Variants in CNTN3 observed in about 807,000 individuals in gnomAD.
CNTN3 encodes the protein contactin 3, also known as contactin-3.
CNTN3 carries 60 observed loss-of-function variants against 119.1 expected under a neutral mutation model. The observed-to-expected ratio is 0.50, with a 90% CI of 0.41 to 0.62. The LOEUF (loss-of-function observed/expected upper bound fraction) is 0.62. Among genes scored for constraint, CNTN3 ranks in the 20% least tolerant of loss-of-function variants. CNTN3 has a pLI of 0.00. For missense variants in CNTN3, 1,101 were observed against 1,242.4 expected (o/e 0.89, Z 1.71); for synonymous variants, 450 against 438.7 (o/e 1.03, Z -0.32).
At chr3:74,370,665 A>C (rs1704312620) in intron 6 of CNTN3, among the ~76,000 whole-genome samples, 1 of 152,092 alleles carries the variant, frequency 6.6e-6, no homozygotes, top group African/African-American at 2.4e-5. Flanking sequence ...GTTTTGTGTA[A>C]ATGGGTCAAC....
At chr3:74,417,990 A>T (rs568472635) in intron 5 of CNTN3, among the ~76,000 whole-genome samples, 1 of 152,312 alleles carries the variant, frequency 6.6e-6, no homozygotes, top group Admixed American at 6.5e-5. Context: ...TCTATTGTAC[A>T]GATGCCAATT....
At chr3:74,489,361 T>A (rs1702919188) in intron 3 of CNTN3, among the ~76,000 whole-genome samples, 2 of 152,036 alleles carry the variant, frequency 1.3e-5, no homozygotes, top group African/African-American at 4.8e-5. Flanking sequence ...TTTAGCCTAT[T>A]TCATATTCAA....
At position 74,334,804 on chromosome 3, in the gene CNTN3, A is replaced by C; in HGVS notation, c.1599T>G (p.Phe533Leu). The C allele has an allele frequency of 6.2e-7, 1 of 1,613,658 alleles. No individual in the cohort carries two copies. The highest frequency in any genetic ancestry group is 8.5e-7 in the Non-Finnish European group (1 of 1,179,652). Residue 533 changes from phenylalanine (F) to leucine (L), a missense_variant, in exon 13 of 23, where the codon TTT becomes TTG. By Grantham distance (22) the Phe-to-Leu change is conservative. Transcript: ENST00000263665. ...CAAGGGCCCCATTGAAATACCAGGT[A>C]AAGATGATGTCTAACAGCGGGTCAT... is the stretch of plus-strand genomic sequence containing the variant. Reference protein sequence around the residue: ...VQHDPLLDIIFTWYFNGALAD... With the variant: ...VQHDPLLDIILTWYFNGALAD...
intron 1 of CNTN3, among the ~76,000 whole-genome samples, chr3:74,610,270 C>T (rs554635030): frequency 1.5e-4 from 23 of 152,024 alleles, no homozygotes; most frequent in African/African-American, 5.5e-4. Flanking sequence ...TTCCAGTGAA[C>T]CATGATCGCA....
intron 17 of CNTN3, 25 bp from the exon 18 acceptor site, chr3:74,298,216 C>T: frequency 6.8e-7 from 1 of 1,463,550 alleles, no homozygotes; most frequent in South Asian, 1.4e-5. Flanking sequence ...CATACTGAAT[C>T]ACCCTTACAC....
intron 5 of CNTN3, among the ~76,000 whole-genome samples, chr3:74,420,559 A>G (rs1701601014): frequency 6.6e-6 from 1 of 152,220 alleles, no homozygotes; most frequent in Non-Finnish European, 1.5e-5. Context: ...TGCTAATGTG[A>G]TTTTAAGCAT....
In CNTN3 at chr3:74,614,513, C is replaced by T. The variant is rs1361643683; in HGVS notation, c.-203G>A. On this transcript the variant is annotated 5_prime_UTR_variant, in exon 1 of 23. Transcript: ENST00000263665. ...GGGCCCGGGGGGCCGCCGTGCGCGC[C>T]CGCGTAAGCCGCCGCCGCCGCAGGC... Among the ~76,000 whole-genome samples, 1 of 147,002 alleles carries T rather than the reference C, an allele frequency of 6.8e-6. No homozygotes were observed. The highest frequency in any genetic ancestry group is 1.5e-5 in the Non-Finnish European group (1 of 66,106).
At chr3:74,433,505 A>G (rs983302048) in intron 4 of CNTN3, among the ~76,000 whole-genome samples, 4 of 152,238 alleles carry the variant, frequency 2.6e-5, no homozygotes, top group Middle Eastern at 3.2e-3. Context: ...TAATAAGATC[A>G]TAACAGCCTC....
chr3:74,503,783 T>A (rs1703205565), intron 2 of CNTN3, among the ~76,000 whole-genome samples: 1 of 152,054 alleles, frequency 6.6e-6, no homozygotes, highest in Non-Finnish European at 1.5e-5. Flanking sequence ...GACAGGGGCA[T>A]TTTTTTGACA....
chr3:74,436,693 C>T (rs1222560112), intron 4 of CNTN3, among the ~76,000 whole-genome samples: 3 of 152,078 alleles, frequency 2.0e-5, no homozygotes, highest in Non-Finnish European at 2.9e-5. Flanking sequence ...CCCTTCCTCT[C>T]CCCAAAACCA....
At chr3:74,589,197 G>A (rs186752622) in intron 1 of CNTN3, among the ~76,000 whole-genome samples, 7,496 of 151,010 alleles carry the variant, frequency 0.05, 220 homozygotes, top group African/African-American at 0.082. Flanking sequence ...AAATTTTTGT[G>A]ACCTACTCAT....
intron 19 of CNTN3, among the ~76,000 whole-genome samples, chr3:74,292,444 T>G (rs558817592): frequency 6.6e-6 from 1 of 152,266 alleles, no homozygotes; most frequent in Non-Finnish European, 1.5e-5. Flanking sequence ...CGTGCACCTG[T>G]AATCCCAGCT....
intron 1 of CNTN3, among the ~76,000 whole-genome samples, chr3:74,533,032 G>A (rs558490850): frequency 4.6e-5 from 7 of 152,078 alleles, no homozygotes; most frequent in African/African-American, 1.7e-4. Flanking sequence ...GCTGGCTCTG[G>A]GATGGAGGCA....
chr3:74,424,474 C>CAGAGAGAGAGAGAGAG (rs71625974), intron 5 of CNTN3, among the ~76,000 whole-genome samples: 56 of 142,496 alleles, frequency 3.9e-4, no homozygotes, highest in African/African-American at 8.2e-4. Context: ...GTGTGTGTGA[C>CAGAGAGAGAGAGAGAG]AGAGAGAGAG....
At chr3:74,454,470 G>A (rs1183117983) in intron 4 of CNTN3, among the ~76,000 whole-genome samples, 4 of 151,812 alleles carry the variant, frequency 2.6e-5, no homozygotes, top group Non-Finnish European at 5.9e-5. Flanking sequence ...TATCCAATTT[G>A]CCAGTCTGTG....
intron 1 of CNTN3, among the ~76,000 whole-genome samples, chr3:74,562,342 T>A (rs1277299218): frequency 1.3e-5 from 2 of 152,186 alleles, no homozygotes; most frequent in African/African-American, 4.8e-5. Context: ...CCTCTCTTTG[T>A]AAATTTTCAT....
intron 1 of CNTN3, among the ~76,000 whole-genome samples, chr3:74,532,349 T>C (rs1703705107): frequency 6.6e-6 from 1 of 152,000 alleles, no homozygotes; most frequent in African/African-American, 2.4e-5. Flanking sequence ...GGGGCATACA[T>C]TCCAAGACCC....
At chr3:74,508,560 CTG>C (rs1316025552) in intron 2 of CNTN3, among the ~76,000 whole-genome samples, 1 of 152,084 alleles carries the variant, frequency 6.6e-6, no homozygotes, top group Admixed American at 6.6e-5. Context: ...AAGCATACAA[CTG>C]ATAAACATAC....
chr3:74,590,081 G>A (rs976247442), intron 1 of CNTN3, among the ~76,000 whole-genome samples: 13 of 151,006 alleles, frequency 8.6e-5, no homozygotes, highest in East Asian at 2.0e-4. Flanking sequence ...CACATTGTGC[G>A]CATGTACCCT....
Sources: allele counts gnomAD v4.1 joint callset (sites outside exome capture counted in the v4.1 genomes callset), GRCh38; gene constraint gnomAD v4.1.1; transcripts MANE v1.5; gene names NCBI Gene and HGNC (gene_info 2026-07-23, HGNC 2026-07-21).